PHF20: variants seen among roughly 807,000 people sequenced by gnomAD.
PHF20 encodes glioma-expressed antigen 2.
Under a neutral mutation model 113.5 loss-of-function variants are expected in PHF20, and 23 were observed. That is an observed-to-expected ratio of 0.20 (90% CI 0.15 to 0.29). The LOEUF is 0.29. Among genes scored for constraint, PHF20 ranks in the 10% least tolerant of loss-of-function variants. The probability of loss-of-function intolerance (pLI) is 1.00; values close to 1 mark genes in which losing one functional copy is unlikely to be tolerated. For missense variants in PHF20, 943 were observed against 1,219.6 expected (o/e 0.77, Z 3.38); for synonymous variants, 434 against 457.3 (o/e 0.95, Z 0.65).
chr20:35,918,246 G>A (rs555654268), intron 13 of PHF20, among the ~76,000 whole-genome samples: 1 of 151,188 alleles, frequency 6.6e-6, no homozygotes, highest in Non-Finnish European at 1.5e-5. Context: ...GAGAGGTGGC[G>A]CTGGCTGGCT....
chr20:35,887,569 C>T (rs1262109797), intron 9 of PHF20: 1 of 152,076 alleles, frequency 6.6e-6, no homozygotes, highest in Non-Finnish European at 1.5e-5. Context: ...AAGAGTGTTT[C>T]CTAGTAAGAC....
intron 10 of PHF20, among the ~76,000 whole-genome samples, chr20:35,911,302 A>G (rs911780320): frequency 2.6e-5 from 4 of 152,184 alleles, no homozygotes; most frequent in Non-Finnish European, 4.4e-5. Context: ...TTGGCCTCCC[A>G]AAGTGCTGGG....
chr20:35,845,819 C>T (rs75834040), intron 3 of PHF20, among the ~76,000 whole-genome samples: 10,722 of 149,828 alleles, frequency 0.072, 519 homozygotes, highest in Non-Finnish European at 0.11. Context: ...ACTGTATGGC[C>T]GAGGCTGGAG....
chr20:35,775,476 G>C (rs1341406044), intron 1 of PHF20, among the ~76,000 whole-genome samples: 1 of 152,030 alleles, frequency 6.6e-6, no homozygotes, highest in African/African-American at 2.4e-5. Flanking sequence ...GCCAAAACTG[G>C]CTGGGCACGG....
In PHF20 at chr20:35,797,941, C is replaced by T. The variant is rs149451134; in HGVS notation, c.-32-3550C>T. ...CTGGGACTACAGGCATGAGCCACTG[C>T]GCCTAGCCTGGAATGGGTTGTTTAA... On this transcript the variant is annotated intron_variant, in intron 1 of 17. Transcript: ENST00000374012. Among the ~76,000 whole-genome samples, 1,433 of 152,152 alleles carry T rather than the reference C, an allele frequency of 9.4e-3. 15 individuals carry two copies. The highest frequency in any genetic ancestry group is 0.015 in the Non-Finnish European group (999 of 68,006).
At chr20:35,938,173 G>T (rs545153023) in intron 15 of PHF20, among the ~76,000 whole-genome samples, 1 of 151,970 alleles carries the variant, frequency 6.6e-6, no homozygotes, top group Non-Finnish European at 1.5e-5. Flanking sequence ...CCCCCGGCCC[G>T]TTTTAATGTT....
rs2042640680 is a variant in PHF20, at chr20:35,847,249, T to G, written c.256-101T>G. 11 of 716,752 alleles carry G rather than the reference T, an allele frequency of 1.5e-5. 1 individual carries two copies. In the South Asian group the frequency reaches 1.8e-4, roughly 12 times the overall value. 44.4% of individuals were successfully genotyped at this position (716,752 alleles called of 1,614,324 possible). A position where few individuals can be genotyped will look rare whatever the true frequency, so the allele number is the denominator to read the frequency against. ...CAACAGCTACTTTCCCTTCACACTT[T>G]CTTATCAATCCCAGCTTCTTTTATG... On this transcript the variant is annotated intron_variant, in intron 3 of 17. Coordinates refer to ENST00000374012, the MANE Select transcript of PHF20 (RefSeq NM_016436.5).
rs1244558278 is a variant in PHF20, at chr20:35,863,228, T to C, written c.636T>C (p.Ser212=). The C allele has an allele frequency of 6.2e-7, 1 of 1,614,062 alleles. No individual in the cohort carries two copies. Among genetic ancestry groups the C allele is most frequent in the Non-Finnish European group, 8.5e-7 (1 of 1,180,000 alleles). Reference sequence around the variant, plus strand: ...AAAAGGGGAAAGTGTCAGAGAAAAGTCTTCCCAAGAACGAGAAGGAAGACA... The same window carrying C: ...AAAAGGGGAAAGTGTCAGAGAAAAGCCTTCCCAAGAACGAGAAGGAAGACA... ...CSEKGKVSEK[S]LPKNEKEDKE... Residue 212 remains serine, a synonymous_variant, in exon 6 of 18, where the codon AGT becomes AGC. Coordinates refer to ENST00000374012, the MANE Select transcript of PHF20 (RefSeq NM_016436.5).
intron 1 of PHF20, among the ~76,000 whole-genome samples, chr20:35,774,143 C>T (rs898268703): frequency 2.0e-5 from 3 of 150,992 alleles, no homozygotes; most frequent in Non-Finnish European, 4.4e-5. Context: ...AGTGCAGTGG[C>T]GCGATCTCGG....
At chr20:35,851,945 T>C (rs979178302) in intron 4 of PHF20, among the ~76,000 whole-genome samples, 1 of 151,862 alleles carries the variant, frequency 6.6e-6, no homozygotes, top group African/African-American at 2.4e-5. Context: ...GTCAATGTGC[T>C]GTGCTTCCCT....
At chr20:35,847,300 G>A in intron 3 of PHF20, 50 bp from the exon 4 acceptor site, 1 of 1,289,714 alleles carries the variant, frequency 7.8e-7, no homozygotes, top group Non-Finnish European at 1.1e-6. Flanking sequence ...TGTATGTCCT[G>A]TGAAATTAGG....
intron 4 of PHF20, among the ~76,000 whole-genome samples, chr20:35,855,902 C>T (rs959910852): frequency 6.6e-6 from 1 of 152,148 alleles, no homozygotes; most frequent in Non-Finnish European, 1.5e-5. Context: ...AGGTCTTGAA[C>T]TCCTGACCTC....
chr20:35,896,103 G>GTGTGTGTGTGTGTGTGTGTT (rs1467701010), intron 9 of PHF20, among the ~76,000 whole-genome samples: 1 of 151,980 alleles, frequency 6.6e-6, no homozygotes, highest in Admixed American at 6.6e-5. Flanking sequence ...GTGTGTGTGT[G>GTGTGTGTGTGTGTGTGTGTT]TGTGTGTGTG....
At chr20:35,822,482 TA>T (rs1361701114) in intron 2 of PHF20, among the ~76,000 whole-genome samples, 2 of 151,526 alleles carry the variant, frequency 1.3e-5, no homozygotes, top group African/African-American at 4.9e-5. Context: ...TAAATGGGAT[TA>T]AAAAAATAGA....
intron 15 of PHF20, 62 bp from the exon 16 acceptor site, chr20:35,938,635 T>C: frequency 6.7e-7 from 1 of 1,488,070 alleles, no homozygotes; most frequent in Admixed American, 2.2e-5. Flanking sequence ...ATTTAGGAAT[T>C]GAGAACCCCT....
At chr20:35,790,924 T>C (rs1013549980) in intron 1 of PHF20, among the ~76,000 whole-genome samples, 5 of 152,136 alleles carry the variant, frequency 3.3e-5, no homozygotes, top group Non-Finnish European at 7.4e-5. Flanking sequence ...AGTGGCGCGA[T>C]CTTGGCTCAC....
chr20:35,940,826 A>G (rs781100019), intron 16 of PHF20, 38 bp from the exon 17 acceptor site: 9 of 1,562,704 alleles, frequency 5.8e-6, no homozygotes, highest in African/African-American at 1.4e-5. Context: ...GCCAGGGGCT[A>G]TCTCCATTCA....
intron 9 of PHF20, chr20:35,878,633 C>T (rs1221247132): frequency 3.8e-6 from 3 of 781,780 alleles, no homozygotes; most frequent in Admixed American, 3.5e-5. Flanking sequence ...AATGTCCCTT[C>T]ATCTGATCCA....
At chr20:35,793,127 C>T (rs1247840581) in intron 1 of PHF20, among the ~76,000 whole-genome samples, 1 of 152,112 alleles carries the variant, frequency 6.6e-6, no homozygotes, top group Non-Finnish European at 1.5e-5. Flanking sequence ...GCAGCATGGG[C>T]TGTGGGAAGT....
Sources: allele counts gnomAD v4.1 joint callset (sites outside exome capture counted in the v4.1 genomes callset), GRCh38; gene constraint gnomAD v4.1.1; transcripts MANE v1.5; gene names NCBI Gene and HGNC (gene_info 2026-07-23, HGNC 2026-07-21).